USH2A: variants seen among roughly 807,000 people sequenced by gnomAD.
USH2A encodes the protein Usher syndrome 2A (autosomal recessive, mild).
In USH2A, 443 loss-of-function variants were observed where a neutral mutation model predicts 538.9. The observed-to-expected ratio is 0.82, with a 90% confidence interval of 0.76 to 0.89. USH2A has a LOEUF of 0.89. Ranked by LOEUF, USH2A falls within the 40% of genes least tolerant of loss-of-function variation. The pLI is 0.00. For synonymous variants in USH2A, 2,413 were observed against 2,273.5 expected (o/e 1.06, Z -1.75); for missense variants, 6,633 against 6,324.8 (o/e 1.05, Z -1.65).
rs2037018538 is a variant in USH2A, at chr1:216,292,345, T to G, written c.1670A>C (p.Asn557Thr). The G allele has an allele frequency of 6.2e-7, 1 of 1,613,896 alleles. No homozygotes were observed. Residue 557 changes from asparagine to threonine, a missense_variant, in exon 10 of 72, where the codon AAT becomes ACT. By Grantham distance (65) the Asn-to-Thr change is moderately conservative. Coordinates refer to ENST00000307340, the MANE Select transcript of USH2A (RefSeq NM_206933.4). ...ATCACCTTGGCGGAAAGGCTTGTCA[T>G]TATAAAGAGGCAAGCAGCGATCACA... ...LHCDRCLPLY[N>T]DKPFRQGDQV... is the part of the protein sequence containing the mutation.
chr1:216,322,617 A>G (rs1042004067), intron 8 of USH2A, among the ~76,000 whole-genome samples: 4 of 152,078 alleles, frequency 2.6e-5, no homozygotes, highest in South Asian at 4.1e-4. Context: ...AAAAAAAAAA[A>G]AAAGAAAGAA....
intron 22 of USH2A, among the ~76,000 whole-genome samples, chr1:216,090,610 C>G (rs767927158): frequency 2.6e-5 from 4 of 151,986 alleles, no homozygotes; most frequent in Non-Finnish European, 4.4e-5. Context: ...GTCTACACAC[C>G]CTTTTATTTT....
intron 2 of USH2A, among the ~76,000 whole-genome samples, chr1:216,420,799 T>G (rs925607900): frequency 1.3e-5 from 2 of 151,806 alleles, no homozygotes; most frequent in African/African-American, 4.8e-5. Context: ...ATGGGAATGG[T>G]TTGTGATTAA....
At chr1:215,634,925 T>G (rs1239690374) in intron 69 of USH2A, among the ~76,000 whole-genome samples, 1 of 152,322 alleles carries the variant, frequency 6.6e-6, no homozygotes, top group South Asian at 2.1e-4. Context: ...CTGACACTTC[T>G]GGCGCTGCTG....
At chr1:215,812,128 G>A (rs112636864) in intron 49 of USH2A, among the ~76,000 whole-genome samples, 5,106 of 150,824 alleles carry the variant, frequency 0.034, 98 homozygotes, top group African/African-American at 0.05. Context: ...GGGATTACAG[G>A]AGCCTGCCAC....
intron 30 of USH2A, among the ~76,000 whole-genome samples, chr1:216,064,638 C>T (rs980590938): frequency 7.9e-5 from 12 of 151,900 alleles, no homozygotes; most frequent in African/African-American, 2.7e-4. Flanking sequence ...GATGGTGGTC[C>T]CATAAGATTA....
intron 3 of USH2A, among the ~76,000 whole-genome samples, chr1:216,392,977 C>G (rs532220250): frequency 6.6e-6 from 1 of 152,158 alleles, no homozygotes; most frequent in South Asian, 2.1e-4. Flanking sequence ...GACACCATGG[C>G]TTTACTATCT....
chr1:215,934,637 T>G lies in USH2A; in HGVS notation c.7279A>C (p.Thr2427Pro). 1 of 1,612,324 alleles carries G rather than the reference T, an allele frequency of 6.2e-7. No homozygotes were observed. Among genetic ancestry groups the G allele is most frequent in the African/African-American group, 1.3e-5 (1 of 74,930 alleles). Residue 2427 changes from threonine (T) to proline (P), a missense_variant, in exon 38 of 72, where the codon ACA becomes CCA. Coordinates refer to ENST00000307340, the MANE Select transcript of USH2A (RefSeq NM_206933.4). ...SQGSLITDPI[T>P]IAMPPGAPDG... Reference sequence around the variant, plus strand: ...TTACCTCCTGGAGGCATTGCAATTGTTATAGGATCAGTTATCAAGCTGCCT... The same window carrying G: ...TTACCTCCTGGAGGCATTGCAATTGGTATAGGATCAGTTATCAAGCTGCCT...
At chr1:215,980,437 A>G (rs1220340257) in intron 35 of USH2A, among the ~76,000 whole-genome samples, 1 of 152,156 alleles carries the variant, frequency 6.6e-6, no homozygotes, top group Non-Finnish European at 1.5e-5. Flanking sequence ...ATCACGTAAT[A>G]AAACATAACA....
intron 58 of USH2A, among the ~76,000 whole-genome samples, chr1:215,746,125 G>A (rs758700467): frequency 2.0e-5 from 3 of 152,136 alleles, no homozygotes; most frequent in Non-Finnish European, 4.4e-5. Context: ...CCCAGCTGGA[G>A]CCACTGTCTA....
intron 52 of USH2A, among the ~76,000 whole-genome samples, chr1:215,786,341 G>A (rs773126546): frequency 6.6e-6 from 1 of 152,074 alleles, no homozygotes; most frequent in Non-Finnish European, 1.5e-5. Flanking sequence ...TGCATTCAGT[G>A]GAAGCTGCAT....
rs369000664 is a variant in USH2A at position 216,292,239 on chromosome 1, T to C, written c.1776A>G (p.Pro592=). 2 of 1,613,872 alleles carry C rather than the reference T, an allele frequency of 1.2e-6. No individual in the cohort carries two copies. The highest frequency in any genetic ancestry group is 2.2e-5 in the East Asian group (1 of 44,854). The part of the protein sequence containing the change: ...KSCHYNISVD[P]FPFEHFRGGG... The stretch of plus-strand genomic sequence containing the variant: ...CCCCTCTGAAGTGCTCAAAAGGAAA[T>C]GGGTCTACAGAGATGTTGTAATGGC... The change falls in exon 10 of 72, where the codon CCA becomes CCG. Residue 592 remains proline, a synonymous_variant. Coordinates refer to ENST00000307340, the MANE Select transcript of USH2A (RefSeq NM_206933.4).
chr1:215,842,063 C>A (rs1469915210), intron 46 of USH2A, among the ~76,000 whole-genome samples: 1 of 152,130 alleles, frequency 6.6e-6, no homozygotes, highest in Non-Finnish European at 1.5e-5. Context: ...GTGGCTCACA[C>A]CTGTAATCCC....
Position 216,086,582 on chromosome 1 carries a change from A to G in USH2A, c.4987+137T>C, listed in dbSNP as rs2032140565. Reference sequence around the variant, plus strand: ...TGGTTCCTTTAAAAAAAAGAGACCTAAAGGAAATTTTTGGCACATTAATAT... The same window carrying G: ...TGGTTCCTTTAAAAAAAAGAGACCTGAAGGAAATTTTTGGCACATTAATAT... On this transcript the variant is annotated intron_variant, in intron 24 of 71. Coordinates refer to ENST00000307340, the MANE Select transcript of USH2A (RefSeq NM_206933.4). 3 of 701,940 alleles carry G rather than the reference A, an allele frequency of 4.3e-6. No individual in the cohort carries two copies. The South Asian group carries it at 5.2e-5, about 12-fold the overall frequency. The allele number at this position is 701,940 out of a possible 1,614,324, so 43.5% of individuals were successfully genotyped here.
At chr1:215,952,282 G>A (rs941777795) in intron 37 of USH2A, among the ~76,000 whole-genome samples, 8 of 152,162 alleles carry the variant, frequency 5.3e-5, no homozygotes, top group African/African-American at 1.9e-4. Flanking sequence ...GTCTCTGCAC[G>A]TGAGATGGGT....
chr1:216,048,662 G>A lies in USH2A; in HGVS notation c.6050-15C>T. ...TGTCAATATGCCTATAATAAAAAGG[G>A]ACAAAAGAGGGTTGCGTGTTTACCA... On this transcript the variant is annotated splice_polypyrimidine_tract_variant and intron_variant, in intron 30 of 71. Coordinates refer to ENST00000307340, the MANE Select transcript of USH2A (RefSeq NM_206933.4). The A allele has an allele frequency of 6.2e-7, 1 of 1,602,838 alleles. No homozygotes were observed. Among genetic ancestry groups the A allele is most frequent in the African/African-American group, 1.3e-5 (1 of 74,710 alleles).
At chr1:215,831,512 C>A (rs1314278321) in intron 47 of USH2A, among the ~76,000 whole-genome samples, 1 of 152,034 alleles carries the variant, frequency 6.6e-6, no homozygotes, top group Non-Finnish European at 1.5e-5. Context: ...AAATTATGTT[C>A]TTAGATCATA....
At chr1:216,188,436 T>C (rs2034650673) in intron 20 of USH2A, among the ~76,000 whole-genome samples, 1 of 151,786 alleles carries the variant, frequency 6.6e-6, no homozygotes, top group Non-Finnish European at 1.5e-5. Context: ...TAGACACTAT[T>C]GCATATGAGG....
In USH2A at chr1:215,728,214, A is replaced by G. The variant is rs776983250; in HGVS notation, c.11882T>C (p.Leu3961Pro). ...TGGAAAATCTTGAGGTGGAGCTTCC[A>G]GAGTTTGTGTTAATGACCACAGACT... ...VESLWSLTQT[L>P]EAPPQDFPAP... The change falls in exon 61 of 72, where the codon CTG becomes CCG. Residue 3961 changes from leucine to proline, a missense_variant. Coordinates refer to ENST00000307340, the MANE Select transcript of USH2A (RefSeq NM_206933.4). The G allele has an allele frequency of 1.2e-6, 2 of 1,614,036 alleles. No individual in the cohort carries two copies. The highest frequency in any genetic ancestry group is 3.3e-5 in the Admixed American group (2 of 59,994).
Sources: allele counts gnomAD v4.1 joint callset (sites outside exome capture counted in the v4.1 genomes callset), GRCh38; gene constraint gnomAD v4.1.1; transcripts MANE v1.5; gene names NCBI Gene and HGNC (gene_info 2026-07-23, HGNC 2026-07-21).